The following AKAP12 variants were observed in gnomAD, a reference collection of about 807,000 sequenced individuals.
AKAP12 encodes A-kinase anchor protein 12.
Under a neutral mutation model 79.9 loss-of-function variants are expected in AKAP12, and 32 were observed. That is an observed-to-expected ratio of 0.40 (90% CI 0.30 to 0.54). The LOEUF is 0.54. Among genes scored for constraint, AKAP12 ranks in the 20% least tolerant of loss-of-function variants. The pLI is 0.48. For synonymous variants in AKAP12, 808 were observed against 857.0 expected (o/e 0.94, Z 1.00); for missense variants, 2,074 against 2,177.0 (o/e 0.95, Z 0.94).
At chr6:151,260,340 C>T (rs1797401137) in intron 2 of AKAP12, among the ~76,000 whole-genome samples, 1 of 152,188 alleles carries the variant, frequency 6.6e-6, no homozygotes, top group Admixed American at 6.5e-5. Context: ...AGAGGTCTCA[C>T]TCCTGTTTGG....
At chr6:151,330,800 G>A (rs1777647450) in intron 3 of AKAP12, among the ~76,000 whole-genome samples, 1 of 151,832 alleles carries the variant, frequency 6.6e-6, no homozygotes, top group Admixed American at 6.6e-5. Context: ...TAAGTATTTG[G>A]AAAAGTGAGA....
chr6:151,289,293 A>C (rs958180157), intron 2 of AKAP12, among the ~76,000 whole-genome samples: 2 of 152,214 alleles, frequency 1.3e-5, no homozygotes, highest in African/African-American at 4.8e-5. Context: ...AGAGATGGTT[A>C]TGCAGCTTCA....
intron 3 of AKAP12, among the ~76,000 whole-genome samples, chr6:151,317,618 C>T (rs538746594): frequency 1.3e-5 from 2 of 152,206 alleles, no homozygotes; most frequent in Admixed American, 6.5e-5. Flanking sequence ...TGCTTTAAGC[C>T]AAATATTATA....
At chr6:151,302,137 A>T (rs148961031) in intron 2 of AKAP12, among the ~76,000 whole-genome samples, 2 of 150,654 alleles carry the variant, frequency 1.3e-5, no homozygotes, top group African/African-American at 4.9e-5. Flanking sequence ...CAGCTTCCCT[A>T]GTAGCTGGGA....
intron 2 of AKAP12, among the ~76,000 whole-genome samples, chr6:151,248,200 C>T (rs1255567380): frequency 6.6e-6 from 1 of 152,058 alleles, no homozygotes. Flanking sequence ...TTCAAAGACA[C>T]CCCTACACCT....
At position 151,253,781 on chromosome 6, in the gene AKAP12, A is replaced by C. The variant is rs1797237293; in HGVS notation, c.162+13057A>C. On this transcript the variant is annotated intron_variant, in intron 2 of 4. Coordinates refer to ENST00000402676, the MANE Select transcript of AKAP12 (RefSeq NM_005100.4). ...CAGGCTGGAGAGTGCAGTGGTGCTC[A>C]CTGTGACCTCTGCCTCCTGGGTTCA... Among the ~76,000 whole-genome samples, 3 of 151,936 alleles carry C rather than the reference A, an allele frequency of 2.0e-5. No homozygotes were observed. The South Asian group carries it at 6.3e-4, about 32-fold the overall frequency.
chr6:151,261,765 A>ATTTT (rs1427684666), intron 2 of AKAP12, among the ~76,000 whole-genome samples: 4 of 114,964 alleles, frequency 3.5e-5, no homozygotes, highest in Non-Finnish European at 7.2e-5. Flanking sequence ...TTATTTATTT[A>ATTTT]TTTATTTATG....
At chr6:151,323,733 A>G (rs1777457738) in intron 3 of AKAP12, 39 of 985,418 alleles carry the variant, frequency 4.0e-5, no homozygotes, top group Non-Finnish European at 4.7e-5. Context: ...AGCTCAGTGG[A>G]ATAGCTGTTG....
At chr6:151,335,607 G>T (rs540638804) in intron 3 of AKAP12, among the ~76,000 whole-genome samples, 1 of 152,224 alleles carries the variant, frequency 6.6e-6, no homozygotes, top group East Asian at 1.9e-4. Context: ...AAGTAGCTGG[G>T]ATTATAAGAT....
intron 2 of AKAP12, 69 bp downstream of exon 2, chr6:151,240,793 G>GC: frequency 1.1e-6 from 1 of 891,088 alleles, no homozygotes; most frequent in Non-Finnish European, 1.4e-6. Flanking sequence ...GGGTGGGGGG[G>GC]TCCCTCCGAT....
intron 2 of AKAP12, among the ~76,000 whole-genome samples, chr6:151,266,514 G>A (rs1262621690): frequency 6.6e-6 from 1 of 152,162 alleles, no homozygotes; most frequent in Non-Finnish European, 1.5e-5. Context: ...AAAACACCCT[G>A]ATGAAATGCA....
At chr6:151,348,614 G>A in intron 3 of AKAP12, 97 bp from the exon 4 acceptor site, 1 of 906,844 alleles carries the variant, frequency 1.1e-6, no homozygotes, top group Non-Finnish European at 1.7e-6. Flanking sequence ...CCTCCAGCCG[G>A]GGCAAGAGAG....
chr6:151,309,835 C>T lies in AKAP12; in HGVS notation c.319+3932C>T, dbSNP rs189631738. ...TGAGCTTTGGGATTTTCAGTTTATA[C>T]AAACAGCTTATATAGAAATGCAACT... On this transcript the variant is annotated intron_variant, in intron 3 of 4. Transcript: ENST00000402676. Among the ~76,000 whole-genome samples the T allele has an allele frequency of 4.0e-3, 607 of 152,214 alleles. 19 individuals carry two copies. Among genetic ancestry groups the T allele is most frequent in the Non-Finnish European group, 8.8e-4 (60 of 68,008 alleles).
intron 3 of AKAP12, among the ~76,000 whole-genome samples, chr6:151,336,575 T>C (rs960252508): frequency 3.9e-5 from 6 of 152,054 alleles, no homozygotes; most frequent in African/African-American, 1.4e-4. Context: ...TGAAACCCCG[T>C]CTCTACTAAA....
At chr6:151,337,512 G>GAAAAAAAA (rs565900855) in intron 3 of AKAP12, among the ~76,000 whole-genome samples, 3 of 101,794 alleles carry the variant, frequency 2.9e-5, no homozygotes, top group Admixed American at 1.0e-4. Context: ...TTTCCGTCTC[G>GAAAAAAAA]AAAAAAAAAA....
chr6:151,349,545 T>G lies in AKAP12; in HGVS notation c.1154T>G (p.Val385Gly). ...EKVELPSEEQVSGSQGPSEEK... is the reference protein window; with the variant it reads ...EKVELPSEEQGSGSQGPSEEK... ...GTTGAGCTGCCCTCAGAGGAGCAAG[T>G]CAGTGGCTCGCAGGGACCTTCTGAA... Residue 385 changes from valine to glycine, a missense_variant, in exon 4 of 5, where the codon GTC becomes GGC. Transcript: ENST00000402676. 2 of 1,611,590 alleles carry G rather than the reference T, an allele frequency of 1.2e-6. No homozygotes were observed. The highest frequency in any genetic ancestry group is 1.7e-6 in the Non-Finnish European group (2 of 1,179,358).
chr6:151,256,391 T>G (rs920446167), intron 2 of AKAP12, among the ~76,000 whole-genome samples: 2 of 152,142 alleles, frequency 1.3e-5, no homozygotes, highest in Non-Finnish European at 2.9e-5. Flanking sequence ...TTTAGTAGTA[T>G]TTTGTGGCTC....
intron 3 of AKAP12, among the ~76,000 whole-genome samples, chr6:151,327,036 C>T (rs1169478147): frequency 2.0e-5 from 3 of 151,578 alleles, no homozygotes; most frequent in African/African-American, 7.3e-5. Context: ...AGGATGGTCT[C>T]GATCTCTTGA....
chr6:151,243,430 T>C (rs953577500), intron 2 of AKAP12, among the ~76,000 whole-genome samples: 20 of 152,234 alleles, frequency 1.3e-4, no homozygotes, highest in Non-Finnish European at 1.8e-4. Flanking sequence ...TTACCAGTTA[T>C]TCACTAAGTG....
Sources: gnomAD v4.1 joint callset for allele counts (sites outside exome capture counted in the v4.1 genomes callset) on GRCh38, gnomAD v4.1.1 for gene constraint, MANE v1.5 for transcripts, NCBI Gene and HGNC (gene_info 2026-07-23, HGNC 2026-07-21) for gene names.